The following ODAD2 variants were observed in gnomAD, a reference collection of about 807,000 sequenced individuals.
ODAD2 encodes the protein outer dynein arm-docking complex subunit 2.
Under a neutral mutation model 106.8 loss-of-function variants are expected in ODAD2, and 89 were observed. The ratio of observed to expected loss-of-function variants is 0.83; its 90% confidence interval spans 0.70 to 0.99. The LOEUF (loss-of-function observed/expected upper bound fraction) is 0.99. Among genes scored for constraint, ODAD2 ranks in the 50% least tolerant of loss-of-function variants. The probability of loss-of-function intolerance (pLI) is 0.00; values close to 1 mark genes in which losing one functional copy is unlikely to be tolerated. For missense variants in ODAD2, 1,168 were observed against 1,238.5 expected, an observed-to-expected ratio of 0.94 and a Z score of 0.85; for synonymous variants, 404 against 436.2, an observed-to-expected ratio of 0.93 and a Z score of 0.92.
intron 17 of ODAD2, among the ~76,000 whole-genome samples, chr10:27,900,425 T>C (rs1207406957): frequency 6.6e-6 from 1 of 152,028 alleles, no homozygotes; most frequent in Non-Finnish European, 1.5e-5. Context: ...GGATCATAAC[T>C]CCTCACCAGC....
intron 19 of ODAD2, among the ~76,000 whole-genome samples, chr10:27,821,772 T>G (rs1836632915): frequency 6.6e-6 from 1 of 152,246 alleles, no homozygotes; most frequent in Admixed American, 6.5e-5. Flanking sequence ...GTATCTATTT[T>G]TTTATCTATA....
chr10:27,911,348 G>A (rs1338451504), intron 16 of ODAD2, among the ~76,000 whole-genome samples: 1 of 152,150 alleles, frequency 6.6e-6, no homozygotes, highest in Non-Finnish European at 1.5e-5. Flanking sequence ...GTCCAGGAAT[G>A]ACAGCGCAAG....
rs1332248027 is a variant in ODAD2 at position 27,812,427 on chromosome 10, G to C, written c.*85C>G. 2.3e-6 allele frequency: 3 copies of C among 1,310,766 alleles called. No individual in the cohort carries two copies. Among genetic ancestry groups the C allele is most frequent in the African/African-American group, 3.0e-5 (2 of 66,076 alleles). 81.2% of individuals were successfully genotyped at this position (1,310,766 alleles called of 1,614,324 possible). On this transcript the variant is annotated 3_prime_UTR_variant, in exon 20 of 20. Coordinates refer to ENST00000305242, the MANE Select transcript of ODAD2 (RefSeq NM_018076.5). ...TGGTTGAAAGGGTTTGCTAACAACT[G>C]TTTCCCAATTTAGGCTTTCTGGCCA...
chr10:27,868,745 G>A (rs749242913), intron 17 of ODAD2, among the ~76,000 whole-genome samples: 7 of 152,026 alleles, frequency 4.6e-5, no homozygotes, highest in African/African-American at 7.2e-5. Context: ...ATACCTAGGT[G>A]ATGGGTTAAT....
chr10:27,820,334 G>T (rs1315507122), intron 19 of ODAD2, among the ~76,000 whole-genome samples: 1 of 151,816 alleles, frequency 6.6e-6, no homozygotes, highest in Non-Finnish European at 1.5e-5. Flanking sequence ...TGCAGTCTCT[G>T]CTTGGGCTTT....
chr10:27,984,282 C>G lies in ODAD2; in HGVS notation c.584G>C (p.Ser195Thr). Reference sequence around the variant, plus strand: ...CTTCTTCACCGTCATGGGACTTAAACTTATTTCTCTGAAATAAATGTTTAA... The same window carrying G: ...CTTCTTCACCGTCATGGGACTTAAAGTTATTTCTCTGAAATAAATGTTTAA... ...HSLKHISLEI[S>T]LSPMTVKKDI... The change falls in exon 5 of 20, where the codon AGT becomes ACT. Residue 195 changes from serine (S) to threonine (T), a missense_variant. Around this residue, in one of 3 missense-constraint regions of ODAD2, gnomAD observed 430 missense variants for 452.2 expected, o/e 0.95. Coordinates refer to ENST00000305242, the MANE Select transcript of ODAD2 (RefSeq NM_018076.5). 1 of 1,607,148 alleles carries G rather than the reference C, an allele frequency of 6.2e-7. No homozygotes were observed. The highest frequency in any genetic ancestry group is 8.5e-7 in the Non-Finnish European group (1 of 1,174,188).
intron 16 of ODAD2, among the ~76,000 whole-genome samples, chr10:27,914,912 TGAA>T (rs1266330097): frequency 1.3e-5 from 2 of 151,954 alleles, no homozygotes; most frequent in Non-Finnish European, 1.5e-5. Context: ...CTTTTCTCTT[TGAA>T]GAAGAAGTGA....
At chr10:27,860,457 G>GA (rs1271225790) in intron 19 of ODAD2, among the ~76,000 whole-genome samples, 168 bp downstream of exon 19, 4 of 150,876 alleles carry the variant, frequency 2.7e-5, no homozygotes, top group South Asian at 2.1e-4. Context: ...TGTTTAAAAA[G>GA]AAAAAAAAAG....
At position 27,952,458 on chromosome 10, in the gene ODAD2, A is replaced by C. The variant is rs568889074; in HGVS notation, c.1387-7496T>G. Among the ~76,000 whole-genome samples, 19 of 152,136 alleles carry C rather than the reference A, an allele frequency of 1.2e-4. No homozygotes were observed. In the South Asian group the frequency reaches 3.7e-3, roughly 30 times the overall value. ...GAACGTGCAGGTTTGTTACATAGGTAAACGTGTGCCATGTGGTTTGCTGCA... is the reference window on the plus strand; with the variant it reads ...GAACGTGCAGGTTTGTTACATAGGTCAACGTGTGCCATGTGGTTTGCTGCA... On this transcript the variant is annotated intron_variant, in intron 10 of 19. Coordinates refer to ENST00000305242, the MANE Select transcript of ODAD2 (RefSeq NM_018076.5).
intron 17 of ODAD2, among the ~76,000 whole-genome samples, chr10:27,877,218 G>A (rs1253588505): frequency 6.6e-6 from 1 of 152,178 alleles, no homozygotes; most frequent in Non-Finnish European, 1.5e-5. Context: ...CTCTGGAGTT[G>A]ACCTCACAGC....
intron 6 of ODAD2, among the ~76,000 whole-genome samples, chr10:27,982,947 G>A (rs1163097672): frequency 1.3e-5 from 2 of 152,158 alleles, no homozygotes; most frequent in Admixed American, 6.5e-5. Context: ...CTGCAATGTC[G>A]TATTTCTCCT....
intron 17 of ODAD2, among the ~76,000 whole-genome samples, chr10:27,867,817 C>T (rs2991936): frequency 0.11 from 16,566 of 151,758 alleles, 1,199 homozygotes; most frequent in Non-Finnish European, 0.16. Context: ...GGCATGGTGG[C>T]GTGAACCTGT....
intron 16 of ODAD2, among the ~76,000 whole-genome samples, chr10:27,913,239 G>A (rs537273869): frequency 1.3e-5 from 2 of 152,158 alleles, no homozygotes; most frequent in African/African-American, 4.8e-5. Context: ...CAGATAATAA[G>A]CATGGTACCT....
At chr10:27,943,824 A>AAAAAAAAAAAAG (rs1846644072) in intron 12 of ODAD2, among the ~76,000 whole-genome samples, 1 of 145,372 alleles carries the variant, frequency 6.9e-6, no homozygotes, top group East Asian at 2.0e-4. Flanking sequence ...AAAAAAAAAA[A>AAAAAAAAAAAAG]AAAAAGGCAT....
intron 19 of ODAD2, among the ~76,000 whole-genome samples, chr10:27,849,739 G>GTGCTCT (rs1839101401): frequency 6.6e-6 from 1 of 152,110 alleles, no homozygotes; most frequent in African/African-American, 2.4e-5. Flanking sequence ...CTCTATCATA[G>GTGCTCT]AGAAGCAAAG....
intron 7 of ODAD2, among the ~76,000 whole-genome samples, chr10:27,978,379 C>A (rs933277648): frequency 6.6e-6 from 1 of 152,298 alleles, no homozygotes; most frequent in South Asian, 2.1e-4. Context: ...CAAACCATTA[C>A]TCTAGAAACA....
chr10:27,953,170 C>T (rs1426948511), intron 10 of ODAD2, among the ~76,000 whole-genome samples: 1 of 152,130 alleles, frequency 6.6e-6, no homozygotes, highest in Non-Finnish European at 1.5e-5. Context: ...GGTAAGAACA[C>T]TTAATCTGAG....
chr10:27,955,876 A>AG (rs560354919), intron 10 of ODAD2, among the ~76,000 whole-genome samples: 83 of 152,132 alleles, frequency 5.5e-4, no homozygotes, highest in African/African-American at 1.9e-3. Flanking sequence ...GCCAGGGAGG[A>AG]GCTCTGGGAG....
intron 17 of ODAD2, among the ~76,000 whole-genome samples, chr10:27,881,923 C>T (rs771009714): frequency 1.3e-5 from 2 of 151,878 alleles, no homozygotes; most frequent in South Asian, 2.1e-4. Flanking sequence ...GTAATCCTTT[C>T]GGGAGGTTGA....
Sources: gnomAD v4.1 joint callset for allele counts (sites outside exome capture counted in the v4.1 genomes callset) on GRCh38, gnomAD v4.1.1 for gene constraint, gnomAD v4.1.1 regional missense constraint, MANE v1.5 for transcripts, NCBI Gene and HGNC (gene_info 2026-07-23, HGNC 2026-07-21) for gene names.